Variants in LPGAT1 observed in about 807,000 individuals in gnomAD.
LPGAT1 encodes acyl-CoA:lysophosphatidylglycerol acyltransferase 1.
Under a neutral mutation model 47.5 loss-of-function variants are expected in LPGAT1, and 11 were observed. That is an observed-to-expected ratio of 0.23 (90% CI 0.15 to 0.38). The LOEUF is 0.38. Ranked by LOEUF, LPGAT1 falls within the 10% of genes least tolerant of loss-of-function variation. The pLI is 1.00. For synonymous variants in LPGAT1, 138 were observed against 144.2 expected (o/e 0.96, Z 0.31); for missense variants, 293 against 439.0 (o/e 0.67, Z 2.97).
intron 2 of LPGAT1, among the ~76,000 whole-genome samples, chr1:211,814,151 A>G (rs1449064422): frequency 6.6e-6 from 1 of 152,250 alleles, no homozygotes; most frequent in African/African-American, 2.4e-5. Context: ...GCACATATTT[A>G]CAAGACACAT....
chr1:211,765,999 A>C (rs141940578), intron 6 of LPGAT1, among the ~76,000 whole-genome samples: 45 of 152,266 alleles, frequency 3.0e-4, no homozygotes, highest in Non-Finnish European at 5.1e-4. Context: ...AGGTAGAGGA[A>C]GGGCAAATTT....
At chr1:211,812,709 C>A (rs976769171) in intron 2 of LPGAT1, among the ~76,000 whole-genome samples, 28 of 152,176 alleles carry the variant, frequency 1.8e-4, no homozygotes, top group Non-Finnish European at 2.8e-4. Context: ...TCCAACGACT[C>A]GAGTCCTTGT....
Position 211,765,919 on chromosome 1 carries a change from G to C in LPGAT1, c.854+12999C>G, listed in dbSNP as rs565117906. Among the ~76,000 whole-genome samples the C allele has an allele frequency of 1.3e-3, 201 of 152,224 alleles. 1 individual carries two copies. Among genetic ancestry groups the C allele is most frequent in the Middle Eastern group, 3.4e-3 (1 of 294 alleles). On this transcript the variant is annotated intron_variant, in intron 6 of 7. Transcript: ENST00000366997. ...CATCTGAATTGATGAATTGAGTAAAGTGGACACTCCCTTCCCCCGCAATGT... is the reference window on the plus strand; with the variant it reads ...CATCTGAATTGATGAATTGAGTAAACTGGACACTCCCTTCCCCCGCAATGT...
Position 211,750,378 on chromosome 1 carries a change from A to G in LPGAT1, c.962-328T>C, listed in dbSNP as rs550018603. ...TTCCTGGAACTTTTTCCAATTGGTC[A>G]TGATCCCAATTATCTTTCTTTCTGC... is the stretch of plus-strand genomic sequence containing the variant. On this transcript the variant is annotated intron_variant, in intron 7 of 7. Transcript: ENST00000366997. Among the ~76,000 whole-genome samples the G allele has an allele frequency of 3.3e-5, 5 of 152,240 alleles. No individual in the cohort carries two copies. In the South Asian group the frequency reaches 1.0e-3, roughly 32 times the overall value.
intron 6 of LPGAT1, among the ~76,000 whole-genome samples, chr1:211,768,229 G>T (rs1213636783): frequency 6.6e-6 from 1 of 152,130 alleles, no homozygotes; most frequent in East Asian, 1.9e-4. Flanking sequence ...TGAAATGTGA[G>T]CTTATTAAAT....
chr1:211,829,035 A>G (rs772535108), intron 2 of LPGAT1, 24 bp downstream of exon 2: 4 of 1,606,964 alleles, frequency 2.5e-6, no homozygotes, highest in Non-Finnish European at 3.4e-6. Context: ...CTTATGCATT[A>G]AAGAAAAGTG....
rs113345231 is a variant in LPGAT1 at position 211,807,602 on chromosome 1, C to T, written c.239-14412G>A. ...GAAAAGAGGATCCTGAAATAGACTA[C>T]GTAAGTATGGTCAAATGATCTTTGA... is the stretch of plus-strand genomic sequence containing the variant. On this transcript the variant is annotated intron_variant, in intron 2 of 7. Transcript: ENST00000366997. 7.7e-3 allele frequency among the ~76,000 whole-genome samples: 1,171 copies of T among 152,120 alleles called. 20 individuals carry two copies. The highest frequency in any genetic ancestry group is 0.026 in the African/African-American group (1,088 of 41,510).
At chr1:211,793,221 A>T in intron 2 of LPGAT1, 31 bp from the exon 3 acceptor site, 1 of 1,393,488 alleles carries the variant, frequency 7.2e-7, no homozygotes, top group Non-Finnish European at 1.0e-6. Flanking sequence ...CAAAGCTGTC[A>T]TTTTAAAGAT....
Position 211,759,770 on chromosome 1 carries a change from GTAAACAT to G in LPGAT1, c.855-8710_855-8704del, listed in dbSNP as rs1657614698. Among the ~76,000 whole-genome samples, 3 of 152,200 alleles carry G rather than the reference GTAAACAT, an allele frequency of 2.0e-5. No individual in the cohort carries two copies. In the South Asian group the frequency reaches 6.2e-4, roughly 32 times the overall value. On this transcript the variant is annotated intron_variant, in intron 6 of 7. Transcript: ENST00000366997. ...TTTCATTGTAATCTCTTAATACACA[GTAAACAT>G]TAAATTCCTCTTATGCTCTACTGAT...
chr1:211,795,851 G>A lies in LPGAT1; in HGVS notation c.239-2661C>T, dbSNP rs149490562. Among the ~76,000 whole-genome samples, 14 of 152,258 alleles carry A rather than the reference G, an allele frequency of 9.2e-5. No homozygotes were observed. The East Asian group carries it at 2.7e-3, about 29-fold the overall frequency. On this transcript the variant is annotated intron_variant, in intron 2 of 7. Transcript: ENST00000366997. ...AAATCAGCATCAGGCATGGTTAGGT[G>A]TTGTGGATATAAAATAAGTAAGAAC... is the stretch of plus-strand genomic sequence containing the variant.
intron 2 of LPGAT1, among the ~76,000 whole-genome samples, chr1:211,816,488 T>C (rs1660180968): frequency 6.6e-6 from 1 of 152,210 alleles, no homozygotes; most frequent in African/African-American, 2.4e-5. Context: ...TTATTCAGAC[T>C]ACGGCCTAAA....
intron 2 of LPGAT1, among the ~76,000 whole-genome samples, chr1:211,802,186 C>T (rs867473802): frequency 2.6e-5 from 4 of 151,526 alleles, no homozygotes; most frequent in Middle Eastern, 3.2e-3. Flanking sequence ...TTCTATGAAG[C>T]CCCCTGTGCC....
chr1:211,769,126 T>G (rs1337484571), intron 6 of LPGAT1, among the ~76,000 whole-genome samples: 1 of 152,168 alleles, frequency 6.6e-6, no homozygotes, highest in Non-Finnish European at 1.5e-5. Flanking sequence ...GATACTATGT[T>G]GGAATTCTCC....
chr1:211,765,930 C>A (rs1657889735), intron 6 of LPGAT1, among the ~76,000 whole-genome samples: 1 of 152,072 alleles, frequency 6.6e-6, no homozygotes, highest in South Asian at 2.1e-4. Context: ...TGGACACTCC[C>A]TTCCCCCGCA....
intron 2 of LPGAT1, among the ~76,000 whole-genome samples, chr1:211,819,830 C>T (rs1267804305): frequency 1.3e-5 from 2 of 152,012 alleles, no homozygotes; most frequent in African/African-American, 2.4e-5. Flanking sequence ...ACTAAAAATA[C>T]AAAAATTAGC....
intron 6 of LPGAT1, among the ~76,000 whole-genome samples, chr1:211,761,618 T>C (rs1657702484): frequency 6.6e-6 from 1 of 152,194 alleles, no homozygotes; most frequent in South Asian, 2.1e-4. Context: ...ATTTTCAATG[T>C]CCAATTATGT....
rs1656969794 is a variant in LPGAT1 at position 211,746,949 on chromosome 1, A to T, written c.*2950T>A. 1 of 152,214 alleles carries T rather than the reference A, an allele frequency of 6.6e-6. No homozygotes were observed. Among genetic ancestry groups the T allele is most frequent in the Non-Finnish European group, 1.5e-5 (1 of 68,036 alleles). The allele number at this position is 152,214 out of a possible 1,614,324, so 9.4% of individuals were successfully genotyped here. A position where few individuals can be genotyped will look rare whatever the true frequency, so the allele number is the denominator to read the frequency against. ...AACTCATCAATACCAAGATTCCAGC[A>T]ATGGATTCTCAACCTTGTCTGCTGT... On this transcript the variant is annotated 3_prime_UTR_variant, in exon 8 of 8. Transcript: ENST00000366997.
Position 211,787,770 on chromosome 1 carries a change from C to A in LPGAT1, c.358-43G>T, listed in dbSNP as rs754905892. The A allele has an allele frequency of 1.1e-5, 14 of 1,273,258 alleles. No homozygotes were observed. The African/African-American group carries it at 1.8e-4, about 16-fold the overall frequency. 78.9% of individuals were successfully genotyped at this position (1,273,258 alleles called of 1,614,324 possible). A position where few individuals can be genotyped will look rare whatever the true frequency, so the allele number is the denominator to read the frequency against. On this transcript the variant is annotated intron_variant, in intron 3 of 7. Transcript: ENST00000366997. The stretch of plus-strand genomic sequence containing the variant: ...AAGAAATAATATTGGATAGAAGAAA[C>A]CTGACTATAGTTGAGCTGAGTCTCC...
intron 4 of LPGAT1, among the ~76,000 whole-genome samples, chr1:211,785,736 A>G (rs1403112857): frequency 6.6e-6 from 1 of 151,678 alleles, no homozygotes; most frequent in Non-Finnish European, 1.5e-5. Context: ...CCTCCCAAGT[A>G]GCTGGGACTA....
Sources: allele counts gnomAD v4.1 joint callset (sites outside exome capture counted in the v4.1 genomes callset), GRCh38; gene constraint gnomAD v4.1.1; transcripts MANE v1.5; gene names NCBI Gene and HGNC (gene_info 2026-07-23, HGNC 2026-07-21).